GSK3B: variants seen among roughly 807,000 people sequenced by gnomAD.
GSK3B encodes glycogen synthase kinase 3 beta.
Under a neutral mutation model 56.4 loss-of-function variants are expected in GSK3B, and 15 were observed. That is an observed-to-expected ratio of 0.27 (90% CI 0.18 to 0.41). The LOEUF (loss-of-function observed/expected upper bound fraction) is 0.41. Among genes scored for constraint, GSK3B ranks in the 10% least tolerant of loss-of-function variants. The pLI is 1.00. For synonymous variants in GSK3B, 181 were observed against 188.9 expected (o/e 0.96, Z 0.34); for missense variants, 300 against 513.4 (o/e 0.58, Z 4.02).
chr3:119,876,330 T>C, intron 8 of GSK3B, 83 bp downstream of exon 8: 1 of 761,250 alleles, frequency 1.3e-6, no homozygotes, highest in Non-Finnish European at 2.3e-6. Context: ...TGCAACTATC[T>C]GATCTCAAAA....
chr3:120,073,363 G>C (rs2058343526), intron 1 of GSK3B, among the ~76,000 whole-genome samples: 1 of 151,960 alleles, frequency 6.6e-6, no homozygotes, highest in African/African-American at 2.4e-5. Context: ...CTTCAGCCTG[G>C]GCAAGAGAGC....
chr3:120,054,617 A>T (rs1369776556), intron 1 of GSK3B, among the ~76,000 whole-genome samples: 1 of 151,912 alleles, frequency 6.6e-6, no homozygotes, highest in Non-Finnish European at 1.5e-5. Flanking sequence ...CCTGTCCCTC[A>T]ATTATCAGAG....
chr3:120,079,433 T>C (rs112369966), intron 1 of GSK3B, among the ~76,000 whole-genome samples: 3,895 of 151,770 alleles, frequency 0.026, 166 homozygotes, highest in African/African-American at 0.088. Flanking sequence ...CTTGCTCTCT[T>C]GCCCAGGCTG....
chr3:119,967,669 C>G (rs1313453055), intron 2 of GSK3B, among the ~76,000 whole-genome samples: 1 of 152,092 alleles, frequency 6.6e-6, no homozygotes, highest in African/African-American at 2.4e-5. Context: ...ACAAATGAAG[C>G]TTTGGACAAC....
intron 2 of GSK3B, among the ~76,000 whole-genome samples, chr3:119,981,303 G>C (rs2057459478): frequency 6.6e-6 from 1 of 152,234 alleles, no homozygotes; most frequent in Admixed American, 6.5e-5. Context: ...GCTAATTTCT[G>C]TATTTCCAAC....
At chr3:120,027,654 T>C (rs2057939566) in intron 1 of GSK3B, among the ~76,000 whole-genome samples, 1 of 152,120 alleles carries the variant, frequency 6.6e-6, no homozygotes, top group Non-Finnish European at 1.5e-5. Context: ...TATTTAATGG[T>C]TTAGGAAAAT....
At chr3:120,035,611 A>C (rs1158476110) in intron 1 of GSK3B, among the ~76,000 whole-genome samples, 2 of 152,220 alleles carry the variant, frequency 1.3e-5, no homozygotes, top group Admixed American at 6.5e-5. Flanking sequence ...CAATTCATGA[A>C]CATAGGATGT....
In GSK3B at chr3:119,952,093, A is replaced by G. The variant is rs796174575; in HGVS notation, c.283-4742T>C. ...TCACACATATCAACATATGTGTAAA[A>G]GCAGAACTGGAAAAAGAGAAAGGAG... is the stretch of plus-strand genomic sequence containing the variant. On this transcript the variant is annotated intron_variant, in intron 2 of 10. Coordinates refer to ENST00000264235, the MANE Select transcript of GSK3B (RefSeq NM_001146156.2). 2.0e-5 allele frequency among the ~76,000 whole-genome samples: 3 copies of G among 152,212 alleles called. No individual in the cohort carries two copies. In the South Asian group the frequency reaches 6.2e-4, roughly 32 times the overall value.
chr3:119,828,236 C>A (rs145814315), intron 10 of GSK3B, among the ~76,000 whole-genome samples: 46 of 152,314 alleles, frequency 3.0e-4, no homozygotes, highest in African/African-American at 9.9e-4. Flanking sequence ...TCTCCTCCCC[C>A]CTTTTAAGGT....
At position 120,043,624 on chromosome 3, in the gene GSK3B, C is replaced by A. The variant is rs923642978; in HGVS notation, c.89-41385G>T. On this transcript the variant is annotated intron_variant, in intron 1 of 10. Transcript: ENST00000264235. ...TCATCTGGACTACCAGAGATCCGGG[C>A]TGGACCTCCCCAGATGGCTGTACCA... 9.8e-5 allele frequency among the ~76,000 whole-genome samples: 15 copies of A among 152,320 alleles called. No individual in the cohort carries two copies. The East Asian group carries it at 2.9e-3, about 29-fold the overall frequency.
intron 2 of GSK3B, among the ~76,000 whole-genome samples, chr3:119,995,385 G>A (rs2057605995): frequency 6.6e-6 from 1 of 151,818 alleles, no homozygotes; most frequent in African/African-American, 2.4e-5. Flanking sequence ...AAGTGAGTGT[G>A]ATAAATATTA....
At chr3:119,899,724 A>G (rs974270116) in intron 7 of GSK3B, among the ~76,000 whole-genome samples, 3 of 152,292 alleles carry the variant, frequency 2.0e-5, no homozygotes, top group African/African-American at 4.8e-5. Flanking sequence ...CTACTTTTTC[A>G]TAAGTCCTGC....
intron 2 of GSK3B, among the ~76,000 whole-genome samples, chr3:119,990,841 T>C (rs752977369): frequency 3.3e-5 from 5 of 152,178 alleles, no homozygotes; most frequent in African/African-American, 7.2e-5. Context: ...GGCAGGAGAA[T>C]TGCTTGAACC....
intron 4 of GSK3B, among the ~76,000 whole-genome samples, chr3:119,922,270 GAA>G (rs1491376657): frequency 2.1e-5 from 3 of 145,952 alleles, no homozygotes; most frequent in Admixed American, 6.9e-5. Context: ...AGGAAGGAAG[GAA>G]GGAAGGGAGG....
chr3:119,854,131 TC>T (rs2055982816), intron 9 of GSK3B, among the ~76,000 whole-genome samples: 2 of 152,152 alleles, frequency 1.3e-5, no homozygotes, highest in Non-Finnish European at 2.9e-5. Context: ...AGCATGAAGG[TC>T]TGTTGAATTT....
chr3:119,985,877 T>C (rs1184226015), intron 2 of GSK3B, among the ~76,000 whole-genome samples: 1 of 152,014 alleles, frequency 6.6e-6, no homozygotes, highest in Non-Finnish European at 1.5e-5. Context: ...GAATTGCCAA[T>C]ACAATCCTAA....
intron 1 of GSK3B, among the ~76,000 whole-genome samples, chr3:120,052,232 CAGAA>C (rs2107543472): frequency 6.6e-6 from 1 of 152,278 alleles, no homozygotes; most frequent in African/African-American, 2.4e-5. Context: ...ATTTATTTGA[CAGAA>C]GGAAGAAAAT....
At chr3:120,081,812 A>G in intron 1 of GSK3B, among the ~76,000 whole-genome samples, 1 of 152,226 alleles carries the variant, frequency 6.6e-6, no homozygotes, top group Admixed American at 6.5e-5. Flanking sequence ...GAAACAAGAC[A>G]CATTAACAAG....
rs140243637 is a variant in GSK3B, at chr3:119,990,055, C to G, written c.282+11991G>C. The stretch of plus-strand genomic sequence containing the variant: ...ACCTTAATAAAAAACTGCCTAAATT[C>G]AAAGGGCATCAGCCTAATGGCTAAG... On this transcript the variant is annotated intron_variant, in intron 2 of 10. Coordinates refer to ENST00000264235, the MANE Select transcript of GSK3B (RefSeq NM_001146156.2). Among the ~76,000 whole-genome samples the G allele has an allele frequency of 3.3e-5, 5 of 152,252 alleles. No homozygotes were observed. The East Asian group carries it at 9.7e-4, about 29-fold the overall frequency.
Sources: gnomAD v4.1 joint callset for allele counts (sites outside exome capture counted in the v4.1 genomes callset) on GRCh38, gnomAD v4.1.1 for gene constraint, MANE v1.5 for transcripts, NCBI Gene and HGNC (gene_info 2026-07-23, HGNC 2026-07-21) for gene names.